The following CNOT1 variants were observed in gnomAD, a reference collection of about 807,000 sequenced individuals.
The protein encoded by CNOT1 is CCR4-NOT transcription complex subunit 1.
A neutral mutation model predicts 273.8 loss-of-function variants in CNOT1; 15 were observed. That is an observed-to-expected ratio of 0.05 (90% CI 0.04 to 0.08). The LOEUF is 0.08. Ranked by LOEUF, CNOT1 falls within the 10% of genes least tolerant of loss-of-function variation. CNOT1 has a pLI of 1.00. For missense variants in CNOT1, 1,644 were observed against 2,912.2 expected (o/e 0.56, Z 10.02); for synonymous variants, 1,022 against 1,005.5 (o/e 1.02, Z -0.31).
At position 58,582,921 on chromosome 16, in the gene CNOT1, G is replaced by A; in HGVS notation, c.934-18C>T. 6.2e-7 allele frequency: 1 copy of A among 1,613,228 alleles called. No homozygotes were observed. Among genetic ancestry groups the A allele is most frequent in the South Asian group, 1.1e-5 (1 of 91,000 alleles). ...GAAATACTCTGTAGAAGTAAAACTT[G>A]AATTAAACAAACCCAACTACTCCAT... On this transcript the variant is annotated intron_variant, in intron 9 of 48. Coordinates refer to ENST00000317147, the MANE Select transcript of CNOT1 (RefSeq NM_016284.5).
At chr16:58,602,976 T>A (rs1050494102) in intron 1 of CNOT1, among the ~76,000 whole-genome samples, 1 of 152,170 alleles carries the variant, frequency 6.6e-6, no homozygotes, top group Admixed American at 6.6e-5. Context: ...AGTTTCATCC[T>A]TAAACTTACT....
chr16:58,523,694 T>C (rs868713110), intron 46 of CNOT1, 192 bp from the exon 47 acceptor site: 1 of 463,942 alleles, frequency 2.2e-6, no homozygotes, highest in Middle Eastern at 5.8e-4. Flanking sequence ...CATTAGAAAT[T>C]AGATTTTAAA....
rs1477454823 is a variant in CNOT1, at chr16:58,528,202, G to C, written c.6453+273C>G. On this transcript the variant is annotated intron_variant, in intron 44 of 48. Transcript: ENST00000317147. ...AGCAAATGACTGCCCCAACACCTAA[G>C]CTGTGGTTCTGTAAATAGAGCTAAA... The C allele has an allele frequency of 5.7e-6, 3 of 522,614 alleles. No homozygotes were observed. In the African/African-American group the frequency reaches 5.8e-5, roughly 10 times the overall value. 32.4% of individuals were successfully genotyped at this position (522,614 alleles called of 1,614,324 possible). A position where few individuals can be genotyped will look rare whatever the true frequency, so the allele number is the denominator to read the frequency against.
intron 2 of CNOT1, chr16:58,597,830 A>G: frequency 2.4e-6 from 1 of 421,458 alleles, no homozygotes; most frequent in Admixed American, 2.8e-5. Context: ...GAAGCAGTCG[A>G]GCCCCAGGAC....
chr16:58,574,842 A>G (rs2041405062), intron 15 of CNOT1, 82 bp from the exon 16 acceptor site: 2 of 1,563,874 alleles, frequency 1.3e-6, no homozygotes, highest in Admixed American at 4.4e-5. Context: ...AAGCACTATA[A>G]CTAAAATCCA....
intron 42 of CNOT1, 96 bp downstream of exon 42, chr16:58,531,862 T>C: frequency 3.6e-6 from 5 of 1,404,898 alleles, no homozygotes; most frequent in Non-Finnish European, 4.9e-6. Flanking sequence ...GAAGTACAAT[T>C]ACTACTAAAT....
intron 43 of CNOT1, among the ~76,000 whole-genome samples, chr16:58,529,857 A>G (rs1157817404): frequency 1.3e-5 from 2 of 150,708 alleles, no homozygotes; most frequent in African/African-American, 4.9e-5. Flanking sequence ...AAAAAAAAAA[A>G]AAAAAAAAAA....
intron 1 of CNOT1, among the ~76,000 whole-genome samples, chr16:58,618,359 G>GCA (rs2043171222): frequency 6.6e-6 from 1 of 152,108 alleles, no homozygotes; most frequent in African/African-American, 2.4e-5. Flanking sequence ...TGAAGTGGAT[G>GCA]GATCACGAGG....
chr16:58,522,517 C>T (rs1245842681), intron 47 of CNOT1, among the ~76,000 whole-genome samples: 1 of 147,274 alleles, frequency 6.8e-6, no homozygotes, highest in Non-Finnish European at 1.5e-5. Context: ...ACTAATTAGG[C>T]AAATGAGCAA....
chr16:58,573,019 TAA>T (rs1443042814), intron 16 of CNOT1, among the ~76,000 whole-genome samples: 1 of 150,430 alleles, frequency 6.6e-6, no homozygotes, highest in Non-Finnish European at 1.5e-5. Flanking sequence ...TGAAAAAAAT[TAA>T]AGAGGCCAGG....
At chr16:58,586,856 AC>A in intron 6 of CNOT1, 108 bp from the exon 7 acceptor site, 1 of 1,256,036 alleles carries the variant, frequency 8.0e-7, no homozygotes, top group Non-Finnish European at 1.1e-6. Flanking sequence ...TCACCAGTTC[AC>A]CCATCTCTCT....
intron 47 of CNOT1, among the ~76,000 whole-genome samples, chr16:58,522,764 A>T (rs2151889090): frequency 6.6e-6 from 1 of 152,380 alleles, no homozygotes; most frequent in East Asian, 1.9e-4. Flanking sequence ...CCACCACCTC[A>T]GAGAAACTCC....
intron 35 of CNOT1, 82 bp from the exon 36 acceptor site, chr16:58,538,996 GCCAAGTA>G: frequency 1.3e-6 from 2 of 1,538,776 alleles, no homozygotes; most frequent in Non-Finnish European, 1.8e-6. Flanking sequence ...AAATCTCAAT[GCCAAGTA>G]CCAAATACCT....
chr16:58,534,626 C>G (rs560341268), intron 39 of CNOT1, among the ~76,000 whole-genome samples: 10 of 152,250 alleles, frequency 6.6e-5, no homozygotes, highest in Non-Finnish European at 1.3e-4. Context: ...AACTGACAGA[C>G]AGATTATCAT....
chr16:58,574,519 TC>T, intron 16 of CNOT1, 89 bp downstream of exon 16: 1 of 1,291,944 alleles, frequency 7.7e-7, no homozygotes, highest in Non-Finnish European at 1.1e-6. Flanking sequence ...TAAACTGCTG[TC>T]ACTTTCACTG....
At chr16:58,616,965 G>GA (rs898701682) in intron 1 of CNOT1, among the ~76,000 whole-genome samples, 14 of 151,826 alleles carry the variant, frequency 9.2e-5, no homozygotes, top group East Asian at 3.9e-4. Flanking sequence ...GGCATCTATG[G>GA]AAAAAAAACA....
intron 22 of CNOT1, among the ~76,000 whole-genome samples, chr16:58,552,046 A>C (rs560994942): frequency 2.0e-5 from 3 of 152,272 alleles, no homozygotes; most frequent in Admixed American, 6.5e-5. Flanking sequence ...ACTTCTAAAG[A>C]AGCAGCCCCA....
chr16:58,620,544 T>C (rs1407382837), intron 1 of CNOT1, among the ~76,000 whole-genome samples: 2 of 149,528 alleles, frequency 1.3e-5, no homozygotes, highest in Admixed American at 6.9e-5. Context: ...TCGGCGGGGA[T>C]AAGGCAGGAG....
At chr16:58,546,869 C>T (rs1033525292) in intron 27 of CNOT1, 120 bp from the exon 28 acceptor site, 25 of 1,286,626 alleles carry the variant, frequency 1.9e-5, no homozygotes, top group African/African-American at 4.5e-5. Flanking sequence ...AAACAAAAAA[C>T]AAGGATTAAA....
Sources: allele counts gnomAD v4.1 joint callset (sites outside exome capture counted in the v4.1 genomes callset), GRCh38; gene constraint gnomAD v4.1.1; transcripts MANE v1.5; gene names NCBI Gene and HGNC (gene_info 2026-07-23, HGNC 2026-07-21).